The following SPIRE1 variants were observed in gnomAD, a reference collection of about 807,000 sequenced individuals.
SPIRE1 encodes the protein protein spire homolog 1.
SPIRE1 carries 40 observed loss-of-function variants against 94.1 expected under a neutral mutation model. The ratio of observed to expected loss-of-function variants is 0.43; its 90% CI spans 0.33 to 0.55. The LOEUF (loss-of-function observed/expected upper bound fraction) is 0.55, where lower values mean the gene tolerates loss of function less well. Ranked by LOEUF, SPIRE1 falls within the 20% of genes least tolerant of loss-of-function variation. SPIRE1 has a pLI of 0.06. For missense variants in SPIRE1, 838 were observed against 975.2 expected, an observed-to-expected ratio of 0.86 and a Z score of 1.87; for synonymous variants, 376 against 371.7, an observed-to-expected ratio of 1.01 and a Z score of -0.13.
intron 2 of SPIRE1, among the ~76,000 whole-genome samples, chr18:12,620,551 A>C (rs1174996891): frequency 6.6e-6 from 1 of 152,202 alleles, no homozygotes; most frequent in Non-Finnish European, 1.5e-5. Flanking sequence ...ATACCATCCA[A>C]CAGGTAAAAA....
intron 1 of SPIRE1, among the ~76,000 whole-genome samples, chr18:12,650,891 A>T (rs891880511): frequency 2.3e-4 from 35 of 152,012 alleles, no homozygotes; most frequent in African/African-American, 8.2e-4. Context: ...AAAAAAAAAA[A>T]AAAAGTGATA....
intron 8 of SPIRE1, among the ~76,000 whole-genome samples, chr18:12,486,967 C>A (rs2033062135): frequency 6.6e-6 from 1 of 152,172 alleles, no homozygotes. Context: ...ATTCTTGTGC[C>A]TCAGCCTCCT....
intron 4 of SPIRE1, among the ~76,000 whole-genome samples, chr18:12,526,950 C>T (rs2034540185): frequency 1.3e-5 from 2 of 152,068 alleles, no homozygotes; most frequent in Admixed American, 6.6e-5. Flanking sequence ...CATCGTGATC[C>T]ACCCGCCTCA....
intron 1 of SPIRE1, among the ~76,000 whole-genome samples, chr18:12,652,353 A>G (rs1320065109): frequency 6.6e-6 from 1 of 152,218 alleles, no homozygotes; most frequent in East Asian, 1.9e-4. Context: ...TGTACCTAAT[A>G]AACTTTCCCA....
chr18:12,599,186 C>T (rs1238670813), intron 2 of SPIRE1, among the ~76,000 whole-genome samples: 2 of 152,162 alleles, frequency 1.3e-5, no homozygotes, highest in African/African-American at 4.8e-5. Context: ...TTCAACTGTT[C>T]CCCAAACATG....
At chr18:12,595,199 G>A (rs990198083) in intron 2 of SPIRE1, among the ~76,000 whole-genome samples, 1 of 152,140 alleles carries the variant, frequency 6.6e-6, no homozygotes, top group African/African-American at 2.4e-5. Flanking sequence ...CCAGCTACTT[G>A]GGAGGCTGAG....
chr18:12,582,184 A>G (rs181693686), intron 2 of SPIRE1, among the ~76,000 whole-genome samples: 1 of 152,352 alleles, frequency 6.6e-6, no homozygotes, highest in East Asian at 1.9e-4. Flanking sequence ...CTTAGAAAAC[A>G]GGAAAAGCCC....
rs371381885 is a variant in SPIRE1 at position 12,479,838 on chromosome 18, A to G, written c.1265T>C (p.Val422Ala). 1.2e-6 allele frequency: 2 copies of G among 1,614,058 alleles called. No individual in the cohort carries two copies. The highest frequency in any genetic ancestry group is 1.7e-6 in the Non-Finnish European group (2 of 1,179,956). ...ACCTCCATTCACCATAGATGACTCCACAAGATTCTTTGTAGATTCAGGGGT... is the reference window on the plus strand; with the variant it reads ...ACCTCCATTCACCATAGATGACTCCGCAAGATTCTTTGTAGATTCAGGGGT... ...VTTPESTKNL[V>A]ESSMVNGGLT... The change falls in exon 10 of 17, where the codon GTG becomes GCG. Residue 422 changes from valine to alanine, a missense_variant. Physicochemically the swap from Val to Ala is moderately conservative, Grantham distance 64. Coordinates refer to ENST00000409402, the MANE Select transcript of SPIRE1 (RefSeq NM_001128626.2).
intron 6 of SPIRE1, among the ~76,000 whole-genome samples, chr18:12,496,713 C>T (rs974591865): frequency 1.5e-4 from 23 of 151,798 alleles, no homozygotes; most frequent in African/African-American, 5.6e-4. Context: ...ACTAAAAATA[C>T]AAAAAATTAG....
At chr18:12,519,792 T>C (rs2034308320) in intron 4 of SPIRE1, among the ~76,000 whole-genome samples, 1 of 152,190 alleles carries the variant, frequency 6.6e-6, no homozygotes, top group Non-Finnish European at 1.5e-5. Flanking sequence ...TGAAAACACA[T>C]TGTCAAGATG....
intron 2 of SPIRE1, among the ~76,000 whole-genome samples, chr18:12,603,609 C>G (rs1040587609): frequency 6.7e-6 from 1 of 148,378 alleles, no homozygotes; most frequent in Admixed American, 6.8e-5. Context: ...GAGTCTCACT[C>G]TATTCCCCAG....
intron 2 of SPIRE1, among the ~76,000 whole-genome samples, chr18:12,603,143 T>A (rs1050685180): frequency 6.6e-6 from 1 of 152,220 alleles, no homozygotes; most frequent in Non-Finnish European, 1.5e-5. Flanking sequence ...AAGCCTATTT[T>A]ATGATAAAGT....
chr18:12,519,947 A>G (rs2034312338), intron 4 of SPIRE1, among the ~76,000 whole-genome samples: 1 of 152,176 alleles, frequency 6.6e-6, no homozygotes. Context: ...TCTACCTTAC[A>G]CTTATGTTCA....
chr18:12,479,547 C>T, intron 10 of SPIRE1, 152 bp downstream of exon 10: 1 of 690,566 alleles, frequency 1.4e-6, no homozygotes, highest in Non-Finnish European at 2.3e-6. Flanking sequence ...TATTTAATTT[C>T]CTGCAAACCA....
intron 4 of SPIRE1, among the ~76,000 whole-genome samples, chr18:12,512,768 T>C (rs1179843392): frequency 1.0e-5 from 1 of 98,620 alleles, no homozygotes; most frequent in African/African-American, 4.1e-5. Flanking sequence ...AACACAACTT[T>C]CTTTTTCTTT....
intron 5 of SPIRE1, among the ~76,000 whole-genome samples, chr18:12,510,538 A>AC (rs2144022373): frequency 6.6e-6 from 1 of 151,652 alleles, no homozygotes; most frequent in Admixed American, 6.6e-5. Context: ...CCTGGACTTC[A>AC]ACAATCTTCT....
intron 12 of SPIRE1, among the ~76,000 whole-genome samples, chr18:12,458,371 G>A (rs1423734147): frequency 6.6e-6 from 1 of 151,536 alleles, no homozygotes; most frequent in Non-Finnish European, 1.5e-5. Context: ...CAGCACTTTG[G>A]GAGGCCGAGG....
At chr18:12,493,298 AC>A in intron 7 of SPIRE1, 97 bp from the exon 8 acceptor site, 2 of 1,083,520 alleles carry the variant, frequency 1.8e-6, no homozygotes, top group Non-Finnish European at 2.6e-6. Flanking sequence ...CATTTCATTG[AC>A]TGGAACACTG....
intron 10 of SPIRE1, among the ~76,000 whole-genome samples, chr18:12,476,541 C>CAA (rs558968043): frequency 1.6e-3 from 77 of 46,816 alleles, no homozygotes; most frequent in East Asian, 4.5e-3. Flanking sequence ...ACTCTGTCTC[C>CAA]AAAAAAAAAA....
Sources: gnomAD v4.1 joint callset for allele counts (sites outside exome capture counted in the v4.1 genomes callset) on GRCh38, gnomAD v4.1.1 for gene constraint, MANE v1.5 for transcripts, NCBI Gene and HGNC (gene_info 2026-07-23, HGNC 2026-07-21) for gene names.